Variants in AKR1C2 observed in about 807,000 individuals in gnomAD.
AKR1C2 encodes the protein aldo-keto reductase family 1 member C2.
Under a neutral mutation model 39.8 loss-of-function variants are expected in AKR1C2, and 27 were observed. The observed-to-expected ratio is 0.68, with a 90% CI of 0.50 to 0.93. AKR1C2 has a LOEUF of 0.93. Ranked by LOEUF, AKR1C2 falls within the 40% of genes least tolerant of loss-of-function variation. AKR1C2 has a pLI of 0.00. For synonymous variants in AKR1C2, 114 were observed against 137.9 expected (o/e 0.83, Z 1.22); for missense variants, 263 against 365.1 (o/e 0.72, Z 2.28).
chr10:4,993,996 T>C (rs1836932262), intron 7 of AKR1C2, among the ~76,000 whole-genome samples: 1 of 151,754 alleles, frequency 6.6e-6, no homozygotes, highest in South Asian at 2.1e-4. Context: ...TGTTTCATTA[T>C]TGTCATTTTT....
intron 8 of AKR1C2, among the ~76,000 whole-genome samples, chr10:4,990,444 A>C (rs1836797875): frequency 6.6e-6 from 1 of 152,166 alleles, no homozygotes; most frequent in South Asian, 2.1e-4. Flanking sequence ...ACTAATAAAC[A>C]ATTTTGAGTG....
chr10:4,990,949 T>G (rs1343870323), intron 8 of AKR1C2, among the ~76,000 whole-genome samples: 2 of 151,398 alleles, frequency 1.3e-5, no homozygotes, highest in Non-Finnish European at 2.9e-5. Context: ...TGGGTACTTA[T>G]GATGTACCAT....
chr10:4,989,879 G>C lies in AKR1C2; in HGVS notation c.*117C>G. 1 of 1,440,960 alleles carries C rather than the reference G, an allele frequency of 6.9e-7. No individual in the cohort carries two copies. Among genetic ancestry groups the C allele is most frequent in the Non-Finnish European group, 9.5e-7 (1 of 1,055,190 alleles). The allele number at this position is 1,440,960 out of a possible 1,614,324, so 89.3% of individuals were successfully genotyped here. ...GGCTTAGCTGTAGCTTACTGAAGTC[G>C]CCAAGCAGGAGAGATTTAACCAGAG... On this transcript the variant is annotated 3_prime_UTR_variant, in exon 9 of 9. Coordinates refer to ENST00000380753, the MANE Select transcript of AKR1C2 (RefSeq NM_001393392.1).
chr10:4,992,961 G>T (rs1207649241), intron 7 of AKR1C2, among the ~76,000 whole-genome samples: 3 of 151,820 alleles, frequency 2.0e-5, no homozygotes, highest in African/African-American at 7.3e-5. Context: ...AAAAAAAAAT[G>T]ATCAGTAATG....
intron 1 of AKR1C2, among the ~76,000 whole-genome samples, chr10:5,016,976 A>G (rs1334835924): frequency 6.6e-6 from 1 of 152,232 alleles, no homozygotes; most frequent in Non-Finnish European, 1.5e-5. Flanking sequence ...AGGCCCTTTT[A>G]GCCATGGCTG....
chr10:4,990,531 C>T (rs538346464), intron 8 of AKR1C2, among the ~76,000 whole-genome samples: 1 of 152,224 alleles, frequency 6.6e-6, no homozygotes, highest in East Asian at 1.9e-4. Flanking sequence ...TCATACGCAA[C>T]ACACTTGGTT....
chr10:5,002,974 T>C (rs1837316744), intron 1 of AKR1C2, among the ~76,000 whole-genome samples: 1 of 152,226 alleles, frequency 6.6e-6, no homozygotes, highest in Admixed American at 6.5e-5. Flanking sequence ...ACTCAAATTT[T>C]ATATAACTAG....
upstream of AKR1C2, among the ~76,000 whole-genome samples, chr10:5,005,376 G>A (rs1427368570): frequency 2.6e-5 from 4 of 152,082 alleles, no homozygotes; most frequent in East Asian, 5.8e-4. Flanking sequence ...CAAATGCCCA[G>A]TTAAATAAAA....
upstream of AKR1C2, chr10:5,004,154 A>G (rs1837350958): frequency 4.4e-6 from 1 of 226,004 alleles, no homozygotes; most frequent in Non-Finnish European, 8.7e-6. Context: ...GTGACTTTAC[A>G]TAAGAATATA....
chr10:4,990,209 T>C (rs1175555018), intron 8 of AKR1C2, among the ~76,000 whole-genome samples, 171 bp from the exon 9 acceptor site: 9 of 152,230 alleles, frequency 5.9e-5, no homozygotes, highest in Non-Finnish European at 1.2e-4. Context: ...ATCATATCTG[T>C]ATTTTCAAAA....
In AKR1C2 at chr10:4,989,124, T is replaced by G. The variant is rs1333525242; in HGVS notation, c.*872A>C. 3 of 152,164 alleles carry G rather than the reference T, an allele frequency of 2.0e-5. No homozygotes were observed. Among genetic ancestry groups the G allele is most frequent in the Admixed American group, 2.0e-4 (3 of 15,276 alleles). The allele number at this position is 152,164 out of a possible 1,614,324, so 9.4% of individuals were successfully genotyped here. On this transcript the variant is annotated 3_prime_UTR_variant, in exon 9 of 9. Coordinates refer to ENST00000380753, the MANE Select transcript of AKR1C2 (RefSeq NM_001393392.1). The stretch of plus-strand genomic sequence containing the variant: ...ACAAATGAACAGTACATTTTTACAA[T>G]CTAAGAATATTTTCTAAATATGAGC...
At chr10:5,016,922 A>G (rs1443634356) in intron 1 of AKR1C2, among the ~76,000 whole-genome samples, 1 of 152,178 alleles carries the variant, frequency 6.6e-6, no homozygotes, top group Non-Finnish European at 1.5e-5. Context: ...GTCACCACAC[A>G]TTGGGGCTAG....
chr10:4,998,072 T>C (rs1554773340), intron 5 of AKR1C2, among the ~76,000 whole-genome samples: 1 of 152,224 alleles, frequency 6.6e-6, no homozygotes, highest in African/African-American at 2.4e-5. Flanking sequence ...ACAGGTCATT[T>C]TCTCTTTCTA....
chr10:5,004,995 T>A (rs1588307729), upstream of AKR1C2, among the ~76,000 whole-genome samples: 1 of 148,030 alleles, frequency 6.8e-6, no homozygotes, highest in East Asian at 2.0e-4. Flanking sequence ...CATCAGAAAA[T>A]ACCTAAAATT....
At chr10:5,000,400 T>A in intron 3 of AKR1C2, 150 bp downstream of exon 3, 1 of 1,563,988 alleles carries the variant, frequency 6.4e-7, no homozygotes, top group East Asian at 2.4e-5. Context: ...TTCTGTTCCA[T>A]AGAAAGGAAT....
intron 1 of AKR1C2, chr10:5,010,365 A>G (rs1411635239): frequency 2.0e-5 from 3 of 152,064 alleles, no homozygotes; most frequent in Non-Finnish European, 4.4e-5. Context: ...CACCATGTGA[A>G]GAAGTCTGAG....
At chr10:4,997,792 G>A (rs1554773269) in intron 5 of AKR1C2, among the ~76,000 whole-genome samples, 1 of 152,186 alleles carries the variant, frequency 6.6e-6, no homozygotes, top group Non-Finnish European at 1.5e-5. Flanking sequence ...GAAAGGTGTA[G>A]TGATTTTAAT....
chr10:5,016,650 C>A (rs1245993918), intron 1 of AKR1C2, among the ~76,000 whole-genome samples: 4 of 152,138 alleles, frequency 2.6e-5, no homozygotes, highest in Admixed American at 1.3e-4. Context: ...AGTGGATATA[C>A]CATTCTGGGT....
At position 5,009,547 on chromosome 10, in the gene AKR1C2, T is replaced by A. The variant is rs188115715; in HGVS notation, c.-87-5625A>T. Among the ~76,000 whole-genome samples, 541 of 151,820 alleles carry A rather than the reference T, an allele frequency of 3.6e-3. 5 individuals are homozygous for A. The highest frequency in any genetic ancestry group is 0.012 in the African/African-American group (515 of 41,418). ...TGAGAAAAAACTATTTCTGAATGGT[T>A]TAAACTCCATGTGATATGGACAGGA... On this transcript the variant is annotated intron_variant, in intron 1 of 6. Transcript: ENST00000604507.
Sources: allele counts gnomAD v4.1 joint callset (sites outside exome capture counted in the v4.1 genomes callset), GRCh38; gene constraint gnomAD v4.1.1; transcripts MANE v1.5; gene names NCBI Gene and HGNC (gene_info 2026-07-23, HGNC 2026-07-21).